The following PIWIL2 variants were observed in gnomAD, a reference collection of about 807,000 sequenced individuals.
PIWIL2 encodes piwi like RNA-mediated gene silencing 2, also known as piwi-like protein 2.
PIWIL2 carries 81 observed loss-of-function variants against 116.5 expected under a neutral mutation model. The ratio of observed to expected loss-of-function variants is 0.70; its 90% CI spans 0.58 to 0.84. PIWIL2 has a LOEUF of 0.84. Ranked by LOEUF, PIWIL2 falls within the 40% of genes least tolerant of loss-of-function variation. The pLI, the probability that PIWIL2 is intolerant of heterozygous loss-of-function variation, is 0.00. For missense variants in PIWIL2, 1,272 were observed against 1,212.3 expected, an observed-to-expected ratio of 1.05 and a Z score of -0.73; for synonymous variants, 489 against 429.5, an observed-to-expected ratio of 1.14 and a Z score of -1.71.
intron 12 of PIWIL2, among the ~76,000 whole-genome samples, chr8:22,305,647 G>A (rs1008731441): frequency 6.6e-6 from 1 of 151,744 alleles, no homozygotes; most frequent in Admixed American, 6.6e-5. Context: ...TTGTCTTGAG[G>A]CCCAAGAGGG....
chr8:22,321,061 T>C (rs1385813367), intron 20 of PIWIL2, among the ~76,000 whole-genome samples: 1 of 152,250 alleles, frequency 6.6e-6, no homozygotes, highest in Non-Finnish European at 1.5e-5. Flanking sequence ...CTCTGTTTCT[T>C]TATCTGAACT....
At position 22,356,249 on chromosome 8, in the gene PIWIL2, G is replaced by A. The variant is rs1832488969; in HGVS notation, c.*744G>A. Reference sequence around the variant, plus strand: ...CTGGGAAAGGCAGTGGAAGGTCTGTGAAGCAAAGTTTTCAAGTAGATATTG... The same window carrying A: ...CTGGGAAAGGCAGTGGAAGGTCTGTAAAGCAAAGTTTTCAAGTAGATATTG... On this transcript the variant is annotated 3_prime_UTR_variant, in exon 23 of 23. Coordinates refer to ENST00000356766, the MANE Select transcript of PIWIL2 (RefSeq NM_018068.5). 6.6e-6 allele frequency: 1 copy of A among 152,044 alleles called. No individual in the cohort carries two copies. The highest frequency in any genetic ancestry group is 6.5e-5 in the Admixed American group (1 of 15,276). The allele number at this position is 152,044 out of a possible 1,614,324, so 9.4% of individuals were successfully genotyped here.
intron 20 of PIWIL2, among the ~76,000 whole-genome samples, chr8:22,323,633 A>G (rs1488711927): frequency 6.6e-6 from 1 of 152,184 alleles, no homozygotes; most frequent in East Asian, 1.9e-4. Flanking sequence ...CTTGTTTACA[A>G]TGAGTTAGTT....
intron 20 of PIWIL2, among the ~76,000 whole-genome samples, chr8:22,331,323 T>C (rs1431033558): frequency 6.6e-6 from 1 of 151,992 alleles, no homozygotes; most frequent in African/African-American, 2.4e-5. Flanking sequence ...TAGTGAGATC[T>C]CGTCTCTACA....
intron 4 of PIWIL2, among the ~76,000 whole-genome samples, chr8:22,281,995 G>A (rs1830515569): frequency 6.6e-6 from 1 of 150,706 alleles, no homozygotes; most frequent in Non-Finnish European, 1.5e-5. Context: ...CTGGTCTTGA[G>A]CTCCTGACCT....
At position 22,281,419 on chromosome 8, in the gene PIWIL2, G is replaced by T. The variant is rs142658978; in HGVS notation, c.329G>T (p.Arg110Leu). 3.7e-6 allele frequency: 6 copies of T among 1,607,162 alleles called. No individual in the cohort carries two copies. Among genetic ancestry groups the T allele is most frequent in the Non-Finnish European group, 5.1e-6 (6 of 1,178,504 alleles). The change falls in exon 4 of 23, where the codon CGC becomes CTC. Residue 110 changes from arginine (R) to leucine (L), a missense_variant. Arg to Leu is a moderately radical substitution (Grantham distance 102). Transcript: ENST00000356766. ...CGAGGCTTGTCTGCTAATCTGGTAC[G>T]CAAGGACAGGGAGGAACTCTCTCCC... is the stretch of plus-strand genomic sequence containing the variant. The part of the protein sequence containing the change: ...LGRGLSANLV[R>L]KDREELSPTF...
At chr8:22,332,448 C>T (rs1456416665) in intron 20 of PIWIL2, among the ~76,000 whole-genome samples, 1 of 152,004 alleles carries the variant, frequency 6.6e-6, no homozygotes, top group East Asian at 1.9e-4. Context: ...GAGGAATGTT[C>T]CAAAACTGTT....
chr8:22,287,742 T>C (rs1052391466), intron 7 of PIWIL2, 97 bp downstream of exon 7: 20 of 781,006 alleles, frequency 2.6e-5, no homozygotes, highest in Non-Finnish European at 3.9e-5. Flanking sequence ...TCTTGCTATG[T>C]TGCCCAGACT....
chr8:22,304,773 C>A lies in PIWIL2; in HGVS notation c.1371-11C>A, dbSNP rs1220553644. ...CTTCTGAAATTTTTTCCTGCCTCTA[C>A]TCTGCTCTAGCAAAAATTATGGGAT... On this transcript the variant is annotated splice_polypyrimidine_tract_variant and intron_variant, in intron 11 of 22. Coordinates refer to ENST00000356766, the MANE Select transcript of PIWIL2 (RefSeq NM_018068.5). 7 of 1,599,306 alleles carry A rather than the reference C, an allele frequency of 4.4e-6. No individual in the cohort carries two copies. The highest frequency in any genetic ancestry group is 4.3e-6 in the Non-Finnish European group (5 of 1,166,652).
chr8:22,297,908 A>G (rs1830950135), intron 10 of PIWIL2, among the ~76,000 whole-genome samples: 1 of 152,208 alleles, frequency 6.6e-6, no homozygotes, highest in Non-Finnish European at 1.5e-5. Context: ...ACAGTCCGGA[A>G]CAAACAAAAA....
At chr8:22,317,216 C>T (rs1831481229) in intron 19 of PIWIL2, among the ~76,000 whole-genome samples, 1 of 152,104 alleles carries the variant, frequency 6.6e-6, no homozygotes, top group African/African-American at 2.4e-5. Context: ...ATTGTTTGTT[C>T]CAACTGTAAA....
chr8:22,322,284 T>C lies in PIWIL2; in HGVS notation c.2403+4009T>C, dbSNP rs2132065459. ...ACCTTTTTTTTTGAGACAGGGTTGC[T>C]CTGTTGCCTGGGCTGGAGTGTAGAG... On this transcript the variant is annotated intron_variant, in intron 20 of 22. Transcript: ENST00000356766. Among the ~76,000 whole-genome samples, 2 of 151,984 alleles carry C rather than the reference T, an allele frequency of 1.3e-5. 1 individual carries two copies. The highest frequency in any genetic ancestry group is 4.2e-4 in the South Asian group (2 of 4,802).
At chr8:22,325,228 A>C (rs919827877) in intron 20 of PIWIL2, among the ~76,000 whole-genome samples, 1 of 152,194 alleles carries the variant, frequency 6.6e-6, no homozygotes, top group African/African-American at 2.4e-5. Context: ...CCTTCGATTC[A>C]GCAGAAAAAG....
chr8:22,323,491 A>G (rs1831654502), intron 20 of PIWIL2, among the ~76,000 whole-genome samples: 2 of 152,060 alleles, frequency 1.3e-5, no homozygotes, highest in Non-Finnish European at 2.9e-5. Flanking sequence ...CAGCTTCCCA[A>G]AGTGCTGGGA....
intron 20 of PIWIL2, among the ~76,000 whole-genome samples, chr8:22,323,586 A>C (rs1268238330): frequency 6.6e-6 from 1 of 152,158 alleles, no homozygotes; most frequent in South Asian, 2.1e-4. Context: ...TTAATTTCCC[A>C]ACACAATTGA....
intron 4 of PIWIL2, 101 bp from the exon 5 acceptor site, chr8:22,282,933 T>C: frequency 1.1e-6 from 1 of 915,664 alleles, no homozygotes; most frequent in Non-Finnish European, 1.8e-6. Flanking sequence ...GGATCCCTTT[T>C]GCTGTCTCCT....
At chr8:22,290,966 G>GTATATATATATATATATATATA (rs1187699809) in intron 10 of PIWIL2, among the ~76,000 whole-genome samples, 15 of 148,520 alleles carry the variant, frequency 1.0e-4, no homozygotes, top group South Asian at 4.2e-4. Flanking sequence ...ATACAGATGT[G>GTATATATATATATATATATATA]TATATATATT....
chr8:22,278,109 G>A (rs536146752), intron 1 of PIWIL2, among the ~76,000 whole-genome samples: 34 of 151,870 alleles, frequency 2.2e-4, no homozygotes, highest in Non-Finnish European at 3.7e-4. Context: ...CAGAGGTTGC[G>A]GTGAGCCAAG....
chr8:22,327,024 C>CTTTTTTTTT (rs71544876), intron 20 of PIWIL2, among the ~76,000 whole-genome samples: 3 of 105,470 alleles, frequency 2.8e-5, no homozygotes, highest in Non-Finnish European at 3.6e-5. Context: ...TGTTTTTTTA[C>CTTTTTTTTT]TTTTTTTTTT....
Sources: allele counts gnomAD v4.1 joint callset (sites outside exome capture counted in the v4.1 genomes callset), GRCh38; gene constraint gnomAD v4.1.1; transcripts MANE v1.5; gene names NCBI Gene and HGNC (gene_info 2026-07-23, HGNC 2026-07-21).